Variants in KCNIP3 observed in about 807,000 individuals in gnomAD.
KCNIP3 encodes calsenilin.
In KCNIP3, 28 loss-of-function variants were observed where a neutral mutation model predicts 35.0. That is an observed-to-expected ratio of 0.80 (90% CI 0.59 to 1.10). The LOEUF (loss-of-function observed/expected upper bound fraction) is 1.10, where lower values mean the gene tolerates loss of function less well. Ranked by LOEUF, KCNIP3 falls within the 50% of genes least tolerant of loss-of-function variation. The pLI, the probability that KCNIP3 is intolerant of heterozygous loss-of-function variation, is 0.00. For synonymous variants in KCNIP3, 134 were observed against 133.8 expected, an observed-to-expected ratio of 1.00 and a Z score of -0.01; for missense variants, 295 against 338.4, an observed-to-expected ratio of 0.87 and a Z score of 1.01.
intron 2 of KCNIP3, among the ~76,000 whole-genome samples, chr2:95,345,413 G>GCCACGCGCCGCGGCTC: frequency 1.3e-5 from 2 of 152,268 alleles, no homozygotes; most frequent in African/African-American, 4.8e-5. Context: ...GGCCCTCGCA[G>GCCACGCGCCGCGGCTC]CCACGCGCCG....
intron 5 of KCNIP3, 41 bp downstream of exon 5, chr2:95,375,249 G>A (rs746178696): frequency 3.2e-6 from 5 of 1,559,348 alleles, no homozygotes; most frequent in Non-Finnish European, 4.4e-6. Context: ...CTGCCCCTGT[G>A]GTTGCAGGAG....
intron 2 of KCNIP3, 70 bp from the exon 3 acceptor site, chr2:95,374,226 G>A (rs1439271857): frequency 6.3e-7 from 1 of 1,575,748 alleles, no homozygotes; most frequent in Admixed American, 1.8e-5. Flanking sequence ...CCCATGCCCT[G>A]GCCACACTGG....
intron 2 of KCNIP3, among the ~76,000 whole-genome samples, chr2:95,363,178 T>C (rs1462967367): frequency 6.6e-6 from 1 of 152,258 alleles, no homozygotes; most frequent in Non-Finnish European, 1.5e-5. Flanking sequence ...TTTGGAGTTT[T>C]AAGAAATCTG....
At chr2:95,326,916 C>T (rs1002898648) in intron 2 of KCNIP3, among the ~76,000 whole-genome samples, 1 of 152,220 alleles carries the variant, frequency 6.6e-6, no homozygotes, top group African/African-American at 2.4e-5. Flanking sequence ...TCGCTGCCCC[C>T]AGCACCCGCA....
At chr2:95,363,269 T>G (rs532639875) in intron 2 of KCNIP3, among the ~76,000 whole-genome samples, 5 of 152,356 alleles carry the variant, frequency 3.3e-5, no homozygotes, top group Admixed American at 6.5e-5. Flanking sequence ...GGGTCTCTAA[T>G]GCACCTGGAA....
chr2:95,330,053 ACCTCCGGCCGCAGCCACCG>A (rs1678887895), intron 2 of KCNIP3, among the ~76,000 whole-genome samples: 1 of 152,062 alleles, frequency 6.6e-6, no homozygotes, highest in South Asian at 2.1e-4. Flanking sequence ...GACGTCCCTC[ACCTCCGGCCGCAGCCACCG>A]CCAGCTGCCG....
intron 2 of KCNIP3, among the ~76,000 whole-genome samples, chr2:95,334,169 G>A (rs1380378950): frequency 6.6e-6 from 1 of 152,252 alleles, no homozygotes; most frequent in Non-Finnish European, 1.5e-5. Flanking sequence ...GTGTGAGTGG[G>A]GCGAGTGCCA....
chr2:95,383,289 C>G lies in KCNIP3; in HGVS notation c.718C>G (p.Gln240Glu). Residue 240 changes from glutamine to glutamate, a missense_variant, in exon 8 of 9, where the codon CAG becomes GAG. By Grantham distance (29) the Gln-to-Glu change is conservative. Coordinates refer to ENST00000295225, the MANE Select transcript of KCNIP3 (RefSeq NM_013434.5). ...CATTGAAGAGTTCCTGGAGGCCTGT[C>G]AGAAGGTAGGTGGCACGGGAGGCTG... is the stretch of plus-strand genomic sequence containing the variant. ...VTIEEFLEAC[Q>E]KDENIMSSMQ... The G allele has an allele frequency of 1.9e-6, 3 of 1,613,656 alleles. No individual in the cohort carries two copies. Among genetic ancestry groups the G allele is most frequent in the Non-Finnish European group, 1.7e-6 (2 of 1,179,832 alleles).
At chr2:95,347,017 GC>G in intron 2 of KCNIP3, 1 of 1,605,146 alleles carries the variant, frequency 6.2e-7, no homozygotes, top group Non-Finnish European at 8.5e-7. Context: ...AGCCCGGCTT[GC>G]CATGGGCATC....
intron 1 of KCNIP3, among the ~76,000 whole-genome samples, chr2:95,304,390 T>C (rs1415015276): frequency 1.3e-5 from 2 of 152,188 alleles, no homozygotes; most frequent in Non-Finnish European, 2.9e-5. Flanking sequence ...GTCTGTGGCC[T>C]GTTGAGGCTC....
chr2:95,311,027 C>T (rs768126557), intron 2 of KCNIP3: 2 of 171,790 alleles, frequency 1.2e-5, no homozygotes, highest in East Asian at 1.6e-4. Flanking sequence ...TTGGTGCTGG[C>T]TCTTTGCCTT....
intron 2 of KCNIP3, among the ~76,000 whole-genome samples, chr2:95,373,381 C>T (rs1207538827): frequency 1.3e-5 from 2 of 148,984 alleles, no homozygotes; most frequent in African/African-American, 2.5e-5. Context: ...ACCTCCCCCT[C>T]AAATGTAGCC....
At chr2:95,316,311 C>T (rs1365589408) in intron 2 of KCNIP3, among the ~76,000 whole-genome samples, 1 of 152,242 alleles carries the variant, frequency 6.6e-6, no homozygotes, top group Non-Finnish European at 1.5e-5. Flanking sequence ...GCCCGCCGGG[C>T]ACCGCACCTT....
At chr2:95,327,402 C>T (rs964796346) in intron 2 of KCNIP3, among the ~76,000 whole-genome samples, 1 of 152,026 alleles carries the variant, frequency 6.6e-6, no homozygotes, top group Non-Finnish European at 1.5e-5. Context: ...TACACACACT[C>T]TCACATACGC....
At chr2:95,370,915 C>G (rs879523745) in intron 2 of KCNIP3, among the ~76,000 whole-genome samples, 2 of 151,980 alleles carry the variant, frequency 1.3e-5, no homozygotes, top group Non-Finnish European at 2.9e-5. Context: ...TGTGCACCAC[C>G]ACACCTGGCT....
In KCNIP3 at chr2:95,375,107, C is replaced by T. The variant is rs373147451; in HGVS notation, c.377-31C>T. ...GAGATGAGCCGCCAGGCAGCCCCGA[C>T]ACACCCCAGCCTCTTCCTTGCCCTC... On this transcript the variant is annotated intron_variant, in intron 4 of 8. Transcript: ENST00000295225. 8.1e-6 allele frequency: 13 copies of T among 1,609,072 alleles called. No individual in the cohort carries two copies. The African/African-American group carries it at 1.7e-4, about 21-fold the overall frequency.
At position 95,297,364 on chromosome 2, in the gene KCNIP3, C is replaced by T; in HGVS notation, c.-75C>T. 6.7e-7 allele frequency: 1 copy of T among 1,482,498 alleles called. No homozygotes were observed. The highest frequency in any genetic ancestry group is 9.2e-7 in the Non-Finnish European group (1 of 1,086,706). The allele number at this position is 1,482,498 out of a possible 1,614,324, so 91.8% of individuals were successfully genotyped here. On this transcript the variant is annotated 5_prime_UTR_variant, in exon 1 of 9. Transcript: ENST00000295225. Reference sequence around the variant, plus strand: ...GTCCAAGCAAACATGAGGCAGCTGCCAGCCGGCCTGGGCAGTCTTGTCTGC... The same window carrying T: ...GTCCAAGCAAACATGAGGCAGCTGCTAGCCGGCCTGGGCAGTCTTGTCTGC...
chr2:95,349,904 T>C (rs1679470295), intron 2 of KCNIP3, among the ~76,000 whole-genome samples: 1 of 152,208 alleles, frequency 6.6e-6, no homozygotes, highest in Non-Finnish European at 1.5e-5. Context: ...CTTTGGGACC[T>C]GGACCCTGTA....
intron 2 of KCNIP3, among the ~76,000 whole-genome samples, chr2:95,364,357 A>T (rs1187182671): frequency 2.0e-5 from 3 of 152,208 alleles, no homozygotes; most frequent in African/African-American, 7.2e-5. Context: ...ACTTAAAAAA[A>T]TGCCATTGGC....
Sources: allele counts gnomAD v4.1 joint callset (sites outside exome capture counted in the v4.1 genomes callset), GRCh38; gene constraint gnomAD v4.1.1; transcripts MANE v1.5; gene names NCBI Gene and HGNC (gene_info 2026-07-23, HGNC 2026-07-21).